Variants in ABCC4 observed in about 807,000 individuals in gnomAD.
The protein encoded by ABCC4 is ATP-binding cassette sub-family C member 4.
ABCC4 carries 102 observed loss-of-function variants against 168.5 expected under a neutral mutation model. The observed-to-expected ratio is 0.61, with a 90% CI of 0.52 to 0.71. The LOEUF (loss-of-function observed/expected upper bound fraction) is 0.71. ABCC4 is among the 30% of genes least tolerant of loss of function. The pLI, the probability that ABCC4 is intolerant of heterozygous loss-of-function variation, is 0.00. For missense variants in ABCC4, 1,402 were observed against 1,605.8 expected (o/e 0.87, Z 2.17); for synonymous variants, 617 against 590.7 (o/e 1.04, Z -0.65).
intron 30 of ABCC4, among the ~76,000 whole-genome samples, chr13:95,031,607 A>T (rs1277874830): frequency 6.6e-6 from 1 of 152,260 alleles, no homozygotes; most frequent in Non-Finnish European, 1.5e-5. Context: ...GTAAGTTACG[A>T]TTAATATTGT....
chr13:95,279,596 G>C (rs2041061101), intron 1 of ABCC4, among the ~76,000 whole-genome samples: 1 of 152,168 alleles, frequency 6.6e-6, no homozygotes, highest in Admixed American at 6.5e-5. Flanking sequence ...GAGAAGTGGG[G>C]AGCAGAGAGG....
intron 27 of ABCC4, among the ~76,000 whole-genome samples, chr13:95,050,227 C>A (rs181789552): frequency 2.6e-5 from 4 of 152,164 alleles, no homozygotes; most frequent in African/African-American, 9.7e-5. Context: ...GAATTCTCTA[C>A]GAGAAGACCC....
chr13:95,200,986 G>A (rs553721960), intron 8 of ABCC4, among the ~76,000 whole-genome samples: 4 of 152,062 alleles, frequency 2.6e-5, no homozygotes, highest in Non-Finnish European at 5.9e-5. Context: ...CCATACGAGC[G>A]CCAACGCTTT....
chr13:95,033,771 T>C (rs2031996502), intron 30 of ABCC4, among the ~76,000 whole-genome samples: 1 of 152,114 alleles, frequency 6.6e-6, no homozygotes, highest in African/African-American at 2.4e-5. Context: ...CAAGTGATTC[T>C]TCTGCCTAGC....
chr13:95,260,915 T>C (rs2040516295), intron 1 of ABCC4, among the ~76,000 whole-genome samples: 1 of 151,270 alleles, frequency 6.6e-6, no homozygotes, highest in African/African-American at 2.4e-5. Context: ...CCTCCCAATA[T>C]CCCCAGTCTG....
intron 3 of ABCC4, among the ~76,000 whole-genome samples, chr13:95,241,670 C>G (rs1594363641): frequency 6.6e-6 from 1 of 152,152 alleles, no homozygotes. Context: ...TGGAAGAGCA[C>G]CATGTTCACC....
intron 20 of ABCC4, among the ~76,000 whole-genome samples, chr13:95,114,964 T>C (rs2139409619): frequency 6.6e-6 from 1 of 152,258 alleles, no homozygotes; most frequent in South Asian, 2.1e-4. Context: ...TATTCTAAGT[T>C]GGCACTTAGA....
chr13:95,278,417 C>A (rs1231924957), intron 1 of ABCC4, among the ~76,000 whole-genome samples: 1 of 152,228 alleles, frequency 6.6e-6, no homozygotes, highest in South Asian at 2.1e-4. Flanking sequence ...CCAACTGGTA[C>A]AGGTGAAAAG....
chr13:95,160,162 G>A (rs375865129), intron 19 of ABCC4, among the ~76,000 whole-genome samples: 2 of 152,322 alleles, frequency 1.3e-5, no homozygotes, highest in Admixed American at 1.3e-4. Context: ...AACCCAGGTA[G>A]TTAGCTTGAG....
intron 20 of ABCC4, among the ~76,000 whole-genome samples, chr13:95,105,239 G>A (rs553021296): frequency 6.6e-6 from 1 of 151,954 alleles, no homozygotes; most frequent in African/African-American, 2.4e-5. Context: ...TGCCGCCGAC[G>A]ATCTGACAGG....
chr13:95,253,542 C>A (rs930982799), intron 1 of ABCC4, among the ~76,000 whole-genome samples: 1 of 151,810 alleles, frequency 6.6e-6, no homozygotes, highest in East Asian at 1.9e-4. Flanking sequence ...GTCAGGAGTT[C>A]GAGACCAGCC....
chr13:95,075,708 G>A lies in ABCC4; in HGVS notation c.2687-157C>T, dbSNP rs772082582. 4.5e-6 allele frequency: 4 copies of A among 889,606 alleles called. No individual in the cohort carries two copies. The South Asian group carries it at 5.7e-5, about 13-fold the overall frequency. The allele number at this position is 889,606 out of a possible 1,614,324, so 55.1% of individuals were successfully genotyped here. A position where few individuals can be genotyped will look rare whatever the true frequency, so the allele number is the denominator to read the frequency against. On this transcript the variant is annotated intron_variant, in intron 21 of 30. Coordinates refer to ENST00000645237, the MANE Select transcript of ABCC4 (RefSeq NM_005845.5). ...AAAATAAATGTTCCCAATAGCCTGAGGGGACCCTGCCACTGGAATCTCAAG... is the reference window on the plus strand; with the variant it reads ...AAAATAAATGTTCCCAATAGCCTGAAGGGACCCTGCCACTGGAATCTCAAG...
At chr13:95,129,701 T>C (rs1426724362) in intron 19 of ABCC4, among the ~76,000 whole-genome samples, 1 of 152,188 alleles carries the variant, frequency 6.6e-6, no homozygotes, top group East Asian at 1.9e-4. Flanking sequence ...TGATTCAGCT[T>C]CCTTCCCAAA....
chr13:95,035,520 T>A (rs948689732), intron 29 of ABCC4, among the ~76,000 whole-genome samples: 1 of 152,224 alleles, frequency 6.6e-6, no homozygotes, highest in South Asian at 2.1e-4. Context: ...ACAGCCCACA[T>A]GGCACACGGG....
At chr13:95,271,367 G>T (rs1237399915) in intron 1 of ABCC4, among the ~76,000 whole-genome samples, 1 of 152,112 alleles carries the variant, frequency 6.6e-6, no homozygotes, top group African/African-American at 2.4e-5. Flanking sequence ...GATCTCCAAA[G>T]GCAGTCACTG....
chr13:95,238,554 C>T (rs16952754), intron 3 of ABCC4, among the ~76,000 whole-genome samples: 10,137 of 152,108 alleles, frequency 0.067, 373 homozygotes, highest in East Asian at 0.096. Flanking sequence ...GCTGGAGACC[C>T]GCTGTGAAGA....
At chr13:95,129,003 T>C (rs550673801) in intron 19 of ABCC4, among the ~76,000 whole-genome samples, 1 of 152,306 alleles carries the variant, frequency 6.6e-6, no homozygotes, top group Non-Finnish European at 1.5e-5. Flanking sequence ...ACTAGCAATA[T>C]AAGCACCTCC....
intron 19 of ABCC4, among the ~76,000 whole-genome samples, chr13:95,156,251 A>G (rs1367643337): frequency 6.6e-6 from 1 of 152,220 alleles, no homozygotes; most frequent in Non-Finnish European, 1.5e-5. Context: ...ACGCCACAAT[A>G]TTACTTTTTA....
At chr13:95,061,062 T>C (rs1044997873) in intron 26 of ABCC4, among the ~76,000 whole-genome samples, 4 of 152,220 alleles carry the variant, frequency 2.6e-5, no homozygotes, top group African/African-American at 4.8e-5. Context: ...ATCTGCATTA[T>C]AGACTGTCAG....
Sources: allele counts gnomAD v4.1 joint callset (sites outside exome capture counted in the v4.1 genomes callset), GRCh38; gene constraint gnomAD v4.1.1; transcripts MANE v1.5; gene names NCBI Gene and HGNC (gene_info 2026-07-23, HGNC 2026-07-21).